The following ZFPM1 variants were observed in gnomAD, a reference collection of about 807,000 sequenced individuals.
ZFPM1 encodes zinc finger protein ZFPM1.
ZFPM1 carries 28 observed loss-of-function variants against 46.3 expected under a neutral mutation model. The ratio of observed to expected loss-of-function variants is 0.60; its 90% confidence interval spans 0.45 to 0.83. The LOEUF is 0.83. ZFPM1 is among the 40% of genes least tolerant of loss of function. The pLI, the probability that ZFPM1 is intolerant of heterozygous loss-of-function variation, is 0.00. For missense variants in ZFPM1, 1,878 were observed against 1,432.4 expected, an observed-to-expected ratio of 1.31 and a Z score of -5.02; for synonymous variants, 957 against 675.9, an observed-to-expected ratio of 1.42 and a Z score of -6.45.
intron 3 of ZFPM1, among the ~76,000 whole-genome samples, chr16:88,491,748 C>T (rs1257500561): frequency 3.3e-5 from 5 of 152,218 alleles, no homozygotes; most frequent in African/African-American, 7.2e-5. Flanking sequence ...GGTGCCCTAT[C>T]GGCTCCCGCA....
At chr16:88,516,554 C>T (rs1225625092) in intron 4 of ZFPM1, 1 of 398,566 alleles carries the variant, frequency 2.5e-6, no homozygotes, top group Non-Finnish European at 4.4e-6. Flanking sequence ...CCCTTATCTC[C>T]CCAGCGAGGC....
At chr16:88,483,312 C>T (rs1477229580) in intron 1 of ZFPM1, among the ~76,000 whole-genome samples, 1 of 151,930 alleles carries the variant, frequency 6.6e-6, no homozygotes, top group Non-Finnish European at 1.5e-5. Context: ...TCCCCGGTGG[C>T]CCCAGGATGA....
chr16:88,526,919 C>A lies in ZFPM1; in HGVS notation c.505+3C>A, dbSNP rs533906121. On this transcript the variant is annotated splice_donor_region_variant and intron_variant, in intron 5 of 9. Coordinates refer to ENST00000319555, the MANE Select transcript of ZFPM1 (RefSeq NM_153813.3). ...CAACACAGAGATCCACAGGAAGGGT[C>A]AGTATGACGCGGCACCTCCGTCCCA... The A allele has an allele frequency of 1.3e-6, 2 of 1,565,154 alleles. No homozygotes were observed. Among genetic ancestry groups the A allele is most frequent in the African/African-American group, 1.4e-5 (1 of 73,984 alleles).
At chr16:88,465,248 A>G (rs1567527299) in intron 1 of ZFPM1, among the ~76,000 whole-genome samples, 1 of 152,366 alleles carries the variant, frequency 6.6e-6, no homozygotes, top group East Asian at 1.9e-4. Flanking sequence ...GCGTCTGCTC[A>G]GAAGACAAAC....
chr16:88,516,882 G>A (rs973823100), intron 4 of ZFPM1, among the ~76,000 whole-genome samples: 6 of 152,274 alleles, frequency 3.9e-5, no homozygotes, highest in East Asian at 1.9e-4. Flanking sequence ...CTCACAGGCC[G>A]GGATGAACAG....
At chr16:88,455,275 C>G (rs534301145) in intron 1 of ZFPM1, among the ~76,000 whole-genome samples, 5 of 152,206 alleles carry the variant, frequency 3.3e-5, no homozygotes, top group Non-Finnish European at 5.9e-5. Flanking sequence ...AGCGAGAGCC[C>G]GTAGCCCAGC....
At position 88,472,408 on chromosome 16, in the gene ZFPM1, C is replaced by T. The variant is rs140918654; in HGVS notation, c.41-13531C>T. ...CTCGCTGTGTCGCCAGGCTGGAGTA[C>T]AGTGGTGTGATCTGGGCCCACTGCA... On this transcript the variant is annotated intron_variant, in intron 1 of 9. Transcript: ENST00000319555. 5.2e-3 allele frequency among the ~76,000 whole-genome samples: 753 copies of T among 145,342 alleles called. 5 individuals are homozygous for T. Among genetic ancestry groups the T allele is most frequent in the African/African-American group, 0.018 (712 of 38,936 alleles).
Position 88,534,863 on chromosome 16 carries a change from C to A in ZFPM1, c.2905C>A (p.Pro969Thr). ...TPSKGTPAPL[P>T]NGNHRYCRLC... ...CAGCAAGGGCACGCCGGCGCCGCTGCCCAACGGCAACCACCGGTACTGCCG... is the reference window on the plus strand; with the variant it reads ...CAGCAAGGGCACGCCGGCGCCGCTGACCAACGGCAACCACCGGTACTGCCG... Residue 969 changes from proline (P) to threonine (T), a missense_variant, in exon 10 of 10, where the codon CCC becomes ACC. Transcript: ENST00000319555. The A allele has an allele frequency of 6.4e-7, 1 of 1,566,640 alleles. No homozygotes were observed. The highest frequency in any genetic ancestry group is 8.6e-7 in the Non-Finnish European group (1 of 1,162,628).
Position 88,528,162 on chromosome 16 carries a change from G to A in ZFPM1, c.636G>A (p.Pro212=), listed in dbSNP as rs749560082. 19 of 1,609,142 alleles carry A rather than the reference G, an allele frequency of 1.2e-5. No homozygotes were observed. The highest frequency in any genetic ancestry group is 3.3e-5 in the Admixed American group (2 of 59,748). ...AGGAGCCAGCAGAGCCCACGTGCCC[G>A]GCCCCTGCACACGACCTCCAGCTCC... ...VKKEPAEPTC[P]APAHDLQLLP... is the part of the protein sequence containing the mutation. The change falls in exon 6 of 10, where the codon CCG becomes CCA. Residue 212 remains proline (P), a synonymous_variant. Coordinates refer to ENST00000319555, the MANE Select transcript of ZFPM1 (RefSeq NM_153813.3).
rs1316063658 is a variant in ZFPM1 at position 88,486,010 on chromosome 16, A to C, written c.112A>C (p.Thr38Pro). 17 of 1,612,656 alleles carry C rather than the reference A, an allele frequency of 1.1e-5. No homozygotes were observed. The Admixed American group carries it at 2.2e-4, about 21-fold the overall frequency. Reference sequence around the variant, plus strand: ...TGCCAGCCACATGGAGCAAAAGGCCACGGCACCTGAAGCCCCGAGCCCTCC... The same window carrying C: ...TGCCAGCCACATGGAGCAAAAGGCCCCGGCACCTGAAGCCCCGAGCCCTCC... ...VGASHMEQKA[T>P]APEAPSPPSA... The change falls in exon 2 of 10, where the codon ACG becomes CCG. Residue 38 changes from threonine (T) to proline (P), a missense_variant. By Grantham distance (38) the Thr-to-Pro change is conservative. Coordinates refer to ENST00000319555, the MANE Select transcript of ZFPM1 (RefSeq NM_153813.3).
At position 88,463,497 on chromosome 16, in the gene ZFPM1, T is replaced by A. The variant is rs78306304; in HGVS notation, c.40+9819T>A. Among the ~76,000 whole-genome samples the A allele has an allele frequency of 5.3e-3, 811 of 152,366 alleles. 7 individuals are homozygous for A. Among genetic ancestry groups the A allele is most frequent in the African/African-American group, 0.018 (768 of 41,582 alleles). ...GTCACAGCACCTACTGGGCATTTAC[T>A]AGGCCCCTGCCTCGCACTAGGCCAC... On this transcript the variant is annotated intron_variant, in intron 1 of 9. Transcript: ENST00000319555.
chr16:88,501,203 G>C (rs1378214004), intron 3 of ZFPM1, among the ~76,000 whole-genome samples: 1 of 134,440 alleles, frequency 7.4e-6, no homozygotes, highest in Non-Finnish European at 1.6e-5. Context: ...CGCAGGTGCT[G>C]GTGATGATGG....
At chr16:88,483,599 C>G (rs1192967154) in intron 1 of ZFPM1, among the ~76,000 whole-genome samples, 1 of 152,214 alleles carries the variant, frequency 6.6e-6, no homozygotes, top group Admixed American at 6.5e-5. Context: ...CCTCACTGCA[C>G]TTCCAGAACT....
At chr16:88,513,318 G>C (rs528398068) in intron 3 of ZFPM1, 1 of 152,372 alleles carries the variant, frequency 6.6e-6, no homozygotes, top group African/African-American at 2.4e-5. Flanking sequence ...GGAAGACAAA[G>C]ACCCAGTTAA....
rs796433165 is a variant in ZFPM1, at chr16:88,470,506, C to G, written c.41-15433C>G. 4.6e-3 allele frequency among the ~76,000 whole-genome samples: 528 copies of G among 114,050 alleles called. No homozygotes were observed. The Middle Eastern group carries it at 0.053, about 11-fold the overall frequency. The allele number at this position is 114,050 out of a possible 152,430, so 74.8% of individuals were successfully genotyped here. ...GTGTGGAGGGCCGGGTGGTGACACT[C>G]AGTGACAGGTGAGGATGTGGCACGG... On this transcript the variant is annotated intron_variant, in intron 1 of 9. Coordinates refer to ENST00000319555, the MANE Select transcript of ZFPM1 (RefSeq NM_153813.3).
chr16:88,520,592 G>T (rs759942681), intron 4 of ZFPM1, among the ~76,000 whole-genome samples: 11,885 of 103,498 alleles, frequency 0.11, 815 homozygotes, highest in East Asian at 0.28. Flanking sequence ...ATGGATGGGA[G>T]GGTGAGTGGG....
intron 3 of ZFPM1, among the ~76,000 whole-genome samples, chr16:88,492,738 C>T (rs2142384209): frequency 6.6e-6 from 1 of 152,334 alleles, no homozygotes; most frequent in African/African-American, 2.4e-5. Flanking sequence ...ACAGCTCCAC[C>T]ATGGGTCCAG....
At chr16:88,488,836 G>A (rs1909389431) in intron 2 of ZFPM1, among the ~76,000 whole-genome samples, 195 bp from the exon 3 acceptor site, 1 of 152,170 alleles carries the variant, frequency 6.6e-6, no homozygotes, top group Non-Finnish European at 1.5e-5. Flanking sequence ...TGAGGGGAGA[G>A]GGGTTTTAAA....
intron 3 of ZFPM1, among the ~76,000 whole-genome samples, chr16:88,495,222 C>T (rs936988794): frequency 2.6e-5 from 4 of 152,236 alleles, no homozygotes; most frequent in Non-Finnish European, 5.9e-5. Context: ...TTCACGGGCC[C>T]TGTGTGGTCG....
Sources: allele counts gnomAD v4.1 joint callset (sites outside exome capture counted in the v4.1 genomes callset), GRCh38; gene constraint gnomAD v4.1.1; transcripts MANE v1.5; gene names NCBI Gene and HGNC (gene_info 2026-07-23, HGNC 2026-07-21).